CSMD1: variants seen among roughly 807,000 people sequenced by gnomAD.
The protein encoded by CSMD1 is CUB and sushi domain-containing protein 1.
Under a neutral mutation model 417.5 loss-of-function variants are expected in CSMD1, and 213 were observed. The observed-to-expected ratio is 0.51, with a 90% confidence interval of 0.46 to 0.57. CSMD1 has a LOEUF of 0.57. Ranked by LOEUF, CSMD1 falls within the 20% of genes least tolerant of loss-of-function variation. The pLI is 0.00. For synonymous variants in CSMD1, 2,862 were observed against 1,736.8 expected (o/e 1.65, Z -16.11); for missense variants, 6,923 against 4,529.7 (o/e 1.53, Z -15.17).
At chr8:4,686,952 G>A (rs1341083377) in intron 1 of CSMD1, among the ~76,000 whole-genome samples, 2 of 152,196 alleles carry the variant, frequency 1.3e-5, no homozygotes, top group Non-Finnish European at 2.9e-5. Context: ...GAGGAGACAC[G>A]TCTCCAGTCC....
At chr8:3,050,267 T>G in intron 50 of CSMD1, among the ~76,000 whole-genome samples, 1 of 152,170 alleles carries the variant, frequency 6.6e-6, no homozygotes, top group East Asian at 1.9e-4. Flanking sequence ...GGTATAGGAT[T>G]TAGAACAAGA....
At chr8:4,768,521 C>G (rs760835187) in intron 1 of CSMD1, among the ~76,000 whole-genome samples, 1 of 152,194 alleles carries the variant, frequency 6.6e-6, no homozygotes, top group Non-Finnish European at 1.5e-5. Flanking sequence ...TGGGATGAAA[C>G]TCTGTGGTAA....
intron 50 of CSMD1, among the ~76,000 whole-genome samples, chr8:3,042,761 T>C (rs1811188203): frequency 6.6e-6 from 1 of 152,194 alleles, no homozygotes; most frequent in Admixed American, 6.5e-5. Flanking sequence ...CAGTGCCTGG[T>C]GCTCATAGAC....
At chr8:4,706,326 T>C (rs1021744321) in intron 1 of CSMD1, among the ~76,000 whole-genome samples, 5 of 152,126 alleles carry the variant, frequency 3.3e-5, no homozygotes, top group South Asian at 4.1e-4. Flanking sequence ...ATAAATAAAA[T>C]ACTTTTCCAC....
At chr8:4,840,101 C>T (rs1363435871) in intron 1 of CSMD1, among the ~76,000 whole-genome samples, 3 of 44,838 alleles carry the variant, frequency 6.7e-5, no homozygotes, top group Admixed American at 2.8e-4. Context: ...TACCTGTCCA[C>T]TCACTTAGAC....
chr8:3,486,184 G>C (rs1205374690), intron 11 of CSMD1, among the ~76,000 whole-genome samples: 1 of 152,042 alleles, frequency 6.6e-6, no homozygotes, highest in South Asian at 2.1e-4. Flanking sequence ...CAGAACTCTG[G>C]ATGTTTTATT....
intron 26 of CSMD1, among the ~76,000 whole-genome samples, chr8:3,241,218 T>G (rs900669649): frequency 1.3e-5 from 2 of 151,004 alleles, no homozygotes; most frequent in Non-Finnish European, 3.0e-5. Flanking sequence ...TGGGGATAAC[T>G]AAAAAGGAGT....
At chr8:3,845,347 G>A (rs867664065) in intron 5 of CSMD1, among the ~76,000 whole-genome samples, 2 of 152,172 alleles carry the variant, frequency 1.3e-5, no homozygotes, top group South Asian at 2.1e-4. Context: ...ACAGCATGTT[G>A]CTCCTGGACC....
chr8:3,829,042 T>C (rs1401758160), intron 5 of CSMD1, among the ~76,000 whole-genome samples: 1 of 152,080 alleles, frequency 6.6e-6, no homozygotes. Flanking sequence ...AAATGTATTT[T>C]TCCGTAAGTT....
At chr8:4,007,583 T>A (rs1024919891) in intron 4 of CSMD1, among the ~76,000 whole-genome samples, 2 of 152,228 alleles carry the variant, frequency 1.3e-5, no homozygotes, top group African/African-American at 4.8e-5. Flanking sequence ...GCGTGCTGAG[T>A]GCAAAGCAAT....
intron 1 of CSMD1, among the ~76,000 whole-genome samples, chr8:4,924,757 C>CT (rs1806741958): frequency 7.9e-6 from 1 of 127,378 alleles, no homozygotes; most frequent in Non-Finnish European, 1.7e-5. Flanking sequence ...CTACAAAAAA[C>CT]TTTTATAAAC....
intron 1 of CSMD1, among the ~76,000 whole-genome samples, chr8:4,770,358 C>A (rs376524840): frequency 6.8e-6 from 1 of 147,564 alleles, no homozygotes; most frequent in Admixed American, 6.8e-5. Context: ...TGTAATTAAG[C>A]TATTATATAT....
chr8:4,144,722 T>C (rs1354503397), intron 3 of CSMD1, among the ~76,000 whole-genome samples: 2 of 151,120 alleles, frequency 1.3e-5, no homozygotes, highest in Non-Finnish European at 2.9e-5. Context: ...ATTTCCTCAT[T>C]GACCTCTTCC....
chr8:4,390,807 C>G (rs994760467), intron 3 of CSMD1, among the ~76,000 whole-genome samples: 3 of 152,116 alleles, frequency 2.0e-5, no homozygotes, highest in Admixed American at 6.5e-5. Flanking sequence ...TCCCAAAGTG[C>G]TGGGATTACA....
At chr8:3,839,470 T>TA (rs1193053567) in intron 5 of CSMD1, among the ~76,000 whole-genome samples, 14 of 125,390 alleles carry the variant, frequency 1.1e-4, no homozygotes, top group Admixed American at 6.0e-4. Flanking sequence ...TTATATATTA[T>TA]ATAATTATAT....
intron 1 of CSMD1, among the ~76,000 whole-genome samples, chr8:4,948,441 T>C (rs922724182): frequency 7.6e-6 from 1 of 131,594 alleles, no homozygotes; most frequent in Non-Finnish European, 1.7e-5. Context: ...TGATTTGTTC[T>C]TTCTATTTCT....
intron 2 of CSMD1, among the ~76,000 whole-genome samples, chr8:4,480,277 A>T (rs943042719): frequency 1.3e-5 from 2 of 151,238 alleles, no homozygotes; most frequent in South Asian, 4.2e-4. Flanking sequence ...CTCTGAGTTG[A>T]CCCCCAGGAT....
intron 8 of CSMD1, among the ~76,000 whole-genome samples, chr8:3,597,721 C>A (rs550872752): frequency 2.6e-5 from 4 of 151,964 alleles, no homozygotes; most frequent in Admixed American, 1.3e-4. Context: ...TCATTCTCAG[C>A]AAAGTAACAC....
At chr8:3,365,467 T>C (rs1475108807) in intron 20 of CSMD1, among the ~76,000 whole-genome samples, 2 of 152,232 alleles carry the variant, frequency 1.3e-5, no homozygotes, top group Non-Finnish European at 2.9e-5. Context: ...CTTATTACAG[T>C]TGACTCTTGA....
Sources: allele counts gnomAD v4.1 joint callset (sites outside exome capture counted in the v4.1 genomes callset), GRCh38; gene constraint gnomAD v4.1.1; transcripts MANE v1.5; gene names NCBI Gene and HGNC (gene_info 2026-07-23, HGNC 2026-07-21).